Variants in NEGR1 observed in about 807,000 individuals in gnomAD.
NEGR1 encodes the protein neuronal growth regulator 1, also known as IgLON family member 4.
NEGR1 carries 10 observed loss-of-function variants against 40.9 expected under a neutral mutation model. The ratio of observed to expected loss-of-function variants is 0.24; its 90% CI spans 0.15 to 0.42. The LOEUF is 0.42. Ranked by LOEUF, NEGR1 falls within the 10% of genes least tolerant of loss-of-function variation. The pLI, the probability that NEGR1 is intolerant of heterozygous loss-of-function variation, is 1.00. For synonymous variants in NEGR1, 185 were observed against 166.8 expected, an observed-to-expected ratio of 1.11 and a Z score of -0.84; for missense variants, 352 against 438.9, an observed-to-expected ratio of 0.80 and a Z score of 1.77.
intron 4 of NEGR1, among the ~76,000 whole-genome samples, chr1:71,683,397 T>C (rs1370218346): frequency 6.6e-6 from 1 of 152,102 alleles, no homozygotes; most frequent in Non-Finnish European, 1.5e-5. Flanking sequence ...TATAGTTTCT[T>C]ACCTATTAGT....
At chr1:71,729,922 CT>C (rs1045109692) in intron 3 of NEGR1, among the ~76,000 whole-genome samples, 2 of 148,120 alleles carry the variant, frequency 1.4e-5, no homozygotes, top group Non-Finnish European at 3.0e-5. Context: ...AGAAAAGAAT[CT>C]TTTTTATTGA....
At position 71,494,077 on chromosome 1, in the gene NEGR1, G is replaced by T. The variant is rs575388480; in HGVS notation, c.941-86507C>A. On this transcript the variant is annotated intron_variant, in intron 6 of 6. Transcript: ENST00000357731. ...TTTCACCTCATCAAAGAGAGGTCTGGCTTTTGCCTTCAGCTACTGGGAGGT... is the reference window on the plus strand; with the variant it reads ...TTTCACCTCATCAAAGAGAGGTCTGTCTTTTGCCTTCAGCTACTGGGAGGT... 1.7e-4 allele frequency among the ~76,000 whole-genome samples: 26 copies of T among 152,260 alleles called. No individual in the cohort carries two copies. In the South Asian group the frequency reaches 4.4e-3, roughly 25 times the overall value.
At chr1:72,120,717 G>C (rs1490240767) in intron 1 of NEGR1, among the ~76,000 whole-genome samples, 2 of 151,414 alleles carry the variant, frequency 1.3e-5, no homozygotes, top group African/African-American at 4.9e-5. Flanking sequence ...GTGTCTATGT[G>C]ATCTCATTGT....
intron 1 of NEGR1, among the ~76,000 whole-genome samples, chr1:71,935,554 C>T (rs996474703): frequency 2.7e-5 from 4 of 150,394 alleles, no homozygotes; most frequent in South Asian, 2.1e-4. Flanking sequence ...TGTGCATGTT[C>T]GTGTGTGTGT....
chr1:72,237,114 T>C (rs1001464823), intron 1 of NEGR1, among the ~76,000 whole-genome samples: 1 of 151,940 alleles, frequency 6.6e-6, no homozygotes, highest in African/African-American at 2.4e-5. Context: ...AAGGTTAAAG[T>C]AGAGAAAAGT....
At chr1:72,060,818 AG>A (rs1052251752) in intron 1 of NEGR1, among the ~76,000 whole-genome samples, 1 of 151,658 alleles carries the variant, frequency 6.6e-6, no homozygotes, top group Non-Finnish European at 1.5e-5. Flanking sequence ...GTCATTAAGC[AG>A]GGCTATTTTG....
chr1:72,192,022 T>C (rs1293184863), intron 1 of NEGR1, among the ~76,000 whole-genome samples: 1 of 151,944 alleles, frequency 6.6e-6, no homozygotes, highest in Non-Finnish European at 1.5e-5. Flanking sequence ...TAGTCTTTAC[T>C]TGTTTTATTT....
At chr1:71,833,256 G>T (rs561710095) in intron 2 of NEGR1, among the ~76,000 whole-genome samples, 9 of 151,854 alleles carry the variant, frequency 5.9e-5, no homozygotes, top group Non-Finnish European at 1.2e-4. Flanking sequence ...GGTACTTTTT[G>T]CACCTGGCAG....
At chr1:71,829,424 A>T (rs1448436697) in intron 2 of NEGR1, among the ~76,000 whole-genome samples, 2 of 151,868 alleles carry the variant, frequency 1.3e-5, no homozygotes, top group Non-Finnish European at 2.9e-5. Context: ...TTTTTCAGAG[A>T]TACCACACTC....
chr1:72,059,473 A>G (rs1414661009), intron 1 of NEGR1, among the ~76,000 whole-genome samples: 1 of 151,606 alleles, frequency 6.6e-6, no homozygotes, highest in Non-Finnish European at 1.5e-5. Context: ...TTCAAGTGAA[A>G]TCCTATTTAC....
At chr1:71,798,791 C>A (rs140245135) in intron 2 of NEGR1, among the ~76,000 whole-genome samples, 3 of 152,062 alleles carry the variant, frequency 2.0e-5, no homozygotes, top group African/African-American at 7.2e-5. Context: ...CGTGGAGAAA[C>A]CTTAGCTCCT....
chr1:71,966,045 T>A (rs1646207082), intron 1 of NEGR1, among the ~76,000 whole-genome samples: 1 of 152,194 alleles, frequency 6.6e-6, no homozygotes, highest in African/African-American at 2.4e-5. Flanking sequence ...ATGTAGAATG[T>A]TAATAACTAT....
At chr1:71,626,926 C>T (rs552952596) in intron 4 of NEGR1, among the ~76,000 whole-genome samples, 1 of 152,196 alleles carries the variant, frequency 6.6e-6, no homozygotes, top group South Asian at 2.1e-4. Flanking sequence ...CAGAGAAATG[C>T]AAATCAAAAC....
intron 6 of NEGR1, among the ~76,000 whole-genome samples, chr1:71,565,750 C>A (rs1648597985): frequency 6.6e-6 from 1 of 152,082 alleles, no homozygotes; most frequent in Non-Finnish European, 1.5e-5. Flanking sequence ...ATATTGAGGG[C>A]ATCAGTGGAA....
At chr1:71,683,105 G>A (rs1210364410) in intron 4 of NEGR1, among the ~76,000 whole-genome samples, 1 of 152,174 alleles carries the variant, frequency 6.6e-6, no homozygotes, top group East Asian at 1.9e-4. Flanking sequence ...TTTTGGGTAA[G>A]TTGAGGTTAT....
intron 1 of NEGR1, among the ~76,000 whole-genome samples, chr1:72,064,350 C>A (rs1350123512): frequency 1.3e-5 from 2 of 152,036 alleles, no homozygotes; most frequent in Admixed American, 6.6e-5. Context: ...CTAATCCTCT[C>A]CCCAGGCATG....
intron 1 of NEGR1, among the ~76,000 whole-genome samples, chr1:72,003,637 A>G (rs1259738787): frequency 1.3e-5 from 2 of 152,050 alleles, no homozygotes; most frequent in Non-Finnish European, 2.9e-5. Flanking sequence ...TATTAACTAA[A>G]CTTGTTTATC....
chr1:72,217,878 T>C (rs1185776195), intron 1 of NEGR1, among the ~76,000 whole-genome samples: 2 of 151,854 alleles, frequency 1.3e-5, no homozygotes, highest in African/African-American at 4.8e-5. Context: ...AAAAGTTTTC[T>C]CTTAGGCCAG....
intron 2 of NEGR1, among the ~76,000 whole-genome samples, chr1:71,874,876 C>T (rs564836766): frequency 6.6e-6 from 1 of 152,134 alleles, no homozygotes; most frequent in Non-Finnish European, 1.5e-5. Context: ...CAGGGTCTTG[C>T]TCTATCACCC....
Sources: allele counts gnomAD v4.1 joint callset (sites outside exome capture counted in the v4.1 genomes callset), GRCh38; gene constraint gnomAD v4.1.1; transcripts MANE v1.5; gene names NCBI Gene and HGNC (gene_info 2026-07-23, HGNC 2026-07-21).